Variants in OTOGL observed in about 807,000 individuals in gnomAD.
OTOGL encodes otogelin-like protein.
Under a neutral mutation model 318.5 loss-of-function variants are expected in OTOGL, and 285 were observed. The ratio of observed to expected loss-of-function variants is 0.89; its 90% CI spans 0.81 to 0.99. OTOGL has a LOEUF of 0.99. Ranked by LOEUF, OTOGL falls within the 50% of genes least tolerant of loss-of-function variation. The pLI, the probability that OTOGL is intolerant of heterozygous loss-of-function variation, is 0.00. For missense variants in OTOGL, 2,899 were observed against 2,845.6 expected (o/e 1.02, Z -0.43); for synonymous variants, 987 against 936.5 (o/e 1.05, Z -0.99).
At chr12:80,266,218 C>G in intron 20 of OTOGL, 1 of 498,482 alleles carries the variant, frequency 2.0e-6, no homozygotes, top group South Asian at 2.8e-5. Context: ...TTACCATTTG[C>G]GAAGCTGAAA....
intron 1 of OTOGL, among the ~76,000 whole-genome samples, chr12:80,155,311 C>A (rs1259644835): frequency 6.6e-6 from 1 of 152,128 alleles, no homozygotes; most frequent in Non-Finnish European, 1.5e-5. Flanking sequence ...TTCTTTCTTG[C>A]ATGGATCATG....
chr12:80,337,489 AT>A (rs1888490799), intron 42 of OTOGL, among the ~76,000 whole-genome samples: 1 of 152,146 alleles, frequency 6.6e-6, no homozygotes, highest in Non-Finnish European at 1.5e-5. Flanking sequence ...ATATGAAAAA[AT>A]ATTTAACTTT....
chr12:80,212,057 T>G (rs978060719), intron 4 of OTOGL, 60 bp downstream of exon 4: 17 of 1,446,964 alleles, frequency 1.2e-5, no homozygotes, highest in Non-Finnish European at 1.6e-5. Flanking sequence ...TTTTGGACTC[T>G]GCTGTCACTT....
At chr12:80,307,379 C>T (rs1269398457) in intron 29 of OTOGL, among the ~76,000 whole-genome samples, 7 of 149,422 alleles carry the variant, frequency 4.7e-5, no homozygotes, top group African/African-American at 7.4e-5. Context: ...TCCCAGTAGG[C>T]GCGGCCGGGC....
intron 37 of OTOGL, among the ~76,000 whole-genome samples, chr12:80,329,545 A>G (rs939859214): frequency 4.6e-5 from 7 of 152,224 alleles, no homozygotes; most frequent in African/African-American, 1.7e-4. Flanking sequence ...CTCTAATGAA[A>G]CAGACATAAA....
chr12:80,265,459 G>A (rs925495029), intron 20 of OTOGL: 17 of 488,482 alleles, frequency 3.5e-5, no homozygotes, highest in Middle Eastern at 5.6e-4. Context: ...TTTGAAATAC[G>A]CAACAGAAAT....
At chr12:80,166,684 G>C (rs1023807618) in intron 1 of OTOGL, among the ~76,000 whole-genome samples, 71 of 152,150 alleles carry the variant, frequency 4.7e-4, no homozygotes, top group African/African-American at 1.6e-3. Context: ...TTCTGTTTCT[G>C]ATTCCAAATT....
At position 80,336,892 on chromosome 12, in the gene OTOGL, T is replaced by G; in HGVS notation, c.4768-20T>G. 1 of 1,556,112 alleles carries G rather than the reference T, an allele frequency of 6.4e-7. No individual in the cohort carries two copies. Among genetic ancestry groups the G allele is most frequent in the Non-Finnish European group, 8.7e-7 (1 of 1,147,292 alleles). On this transcript the variant is annotated intron_variant, in intron 41 of 58. Coordinates refer to ENST00000547103, the MANE Select transcript of OTOGL (RefSeq NM_001378609.3). ...CAATTGTGTTTAACTCCGTAAAGTT[T>G]TAATTTTTTTCAAATTAAGGCTCCC... is the stretch of plus-strand genomic sequence containing the variant.
chr12:80,301,093 T>C, intron 27 of OTOGL, among the ~76,000 whole-genome samples: 1 of 152,260 alleles, frequency 6.6e-6, no homozygotes, highest in East Asian at 1.9e-4. Flanking sequence ...TACTGTAGTA[T>C]AGTATTTTCA....
At chr12:80,216,063 C>T (rs1052527490) in intron 4 of OTOGL, among the ~76,000 whole-genome samples, 31 of 152,070 alleles carry the variant, frequency 2.0e-4, no homozygotes, top group African/African-American at 7.0e-4. Flanking sequence ...GCCTGCAGTC[C>T]CAGCTACTCA....
In OTOGL at chr12:80,270,128, G is replaced by T. The variant is rs993419539; in HGVS notation, c.2492G>T (p.Cys831Phe). The T allele has an allele frequency of 3.7e-6, 6 of 1,605,188 alleles. No individual in the cohort carries two copies. The African/African-American group carries it at 8.0e-5, about 22-fold the overall frequency. The change falls in exon 23 of 59, where the codon TGT (cysteine) becomes TTT (phenylalanine). Residue 831 changes from cysteine (C) to phenylalanine (F), a missense_variant. By Grantham distance (205) the Cys-to-Phe change is radical (BLOSUM62 -2). This residue lies in a region of OTOGL where 2,607 missense variants were observed against 2,524.9 expected (regional missense o/e 1.03). Coordinates refer to ENST00000547103, the MANE Select transcript of OTOGL (RefSeq NM_001378609.3). ...LCQCSNGTVK[C>F]DELATPSAVH... is the part of the protein sequence containing the mutation. ...CAGTGTTCAAATGGGACTGTGAAAT[G>T]TGATGAATTAGCAACGCCCTCTGCT...
At chr12:80,136,815 C>T (rs1448675361) in intron 1 of OTOGL, among the ~76,000 whole-genome samples, 1 of 152,080 alleles carries the variant, frequency 6.6e-6, no homozygotes, top group East Asian at 1.9e-4. Context: ...TAGTATTTGT[C>T]AGCATCTGAT....
At position 80,329,035 on chromosome 12, in the gene OTOGL, C is replaced by G. The variant is rs1887895865; in HGVS notation, c.4280-16C>G. 3 of 1,580,244 alleles carry G rather than the reference C, an allele frequency of 1.9e-6. No homozygotes were observed. Among genetic ancestry groups the G allele is most frequent in the Non-Finnish European group, 2.6e-6 (3 of 1,164,730 alleles). ...GCAAATACAGTTTTATAAAGAGCACCTTTGTTTCTTTGTAGGTATACCTGT... is the reference window on the plus strand; with the variant it reads ...GCAAATACAGTTTTATAAAGAGCACGTTTGTTTCTTTGTAGGTATACCTGT... On this transcript the variant is annotated splice_polypyrimidine_tract_variant and intron_variant, in intron 36 of 58. Transcript: ENST00000547103.
At chr12:80,112,968 C>T (rs1013272333) in intron 1 of OTOGL, among the ~76,000 whole-genome samples, 1 of 152,076 alleles carries the variant, frequency 6.6e-6, no homozygotes, top group African/African-American at 2.4e-5. Flanking sequence ...TTGACTTCTT[C>T]CTGGTTTAGT....
At chr12:80,124,439 A>G (rs1392123963) in intron 1 of OTOGL, among the ~76,000 whole-genome samples, 2 of 152,184 alleles carry the variant, frequency 1.3e-5, no homozygotes, top group Admixed American at 6.5e-5. Context: ...TGGTTACTGT[A>G]GCCTTGTAGT....
intron 1 of OTOGL, among the ~76,000 whole-genome samples, chr12:80,178,684 A>T (rs1460747554): frequency 6.6e-6 from 1 of 152,152 alleles, no homozygotes; most frequent in African/African-American, 2.4e-5. Context: ...GTGTTGCCTG[A>T]TGTACAGTAT....
chr12:80,103,319 G>A (rs1869255424), intron 1 of OTOGL: 2 of 1,579,766 alleles, frequency 1.3e-6, no homozygotes, highest in East Asian at 2.2e-5. Context: ...AAGTCACAAA[G>A]GGATTAAACT....
At chr12:80,190,336 G>A (rs1042793335) in intron 1 of OTOGL, among the ~76,000 whole-genome samples, 2 of 152,132 alleles carry the variant, frequency 1.3e-5, no homozygotes, top group Admixed American at 6.5e-5. Context: ...TAAATTCAAA[G>A]AAGCACAACA....
chr12:80,112,503 A>G (rs1029305712), intron 1 of OTOGL, among the ~76,000 whole-genome samples: 4 of 152,126 alleles, frequency 2.6e-5, no homozygotes, highest in African/African-American at 9.7e-5. Flanking sequence ...CGAGATAATC[A>G]TGTGGTTTTT....
Sources: allele counts gnomAD v4.1 joint callset (sites outside exome capture counted in the v4.1 genomes callset), GRCh38; gene constraint gnomAD v4.1.1; regional missense constraint gnomAD v4.1.1; transcripts MANE v1.5; gene names NCBI Gene and HGNC (gene_info 2026-07-23, HGNC 2026-07-21).